SATB2: variants seen among roughly 807,000 people sequenced by gnomAD.
SATB2 encodes the protein DNA-binding protein SATB2.
SATB2 carries 1 observed loss-of-function variant against 73.4 expected under a neutral mutation model. That is an observed-to-expected ratio of 0.01 (90% CI 0.00 to 0.06). The LOEUF (loss-of-function observed/expected upper bound fraction) is 0.06. SATB2 is among the 10% of genes least tolerant of loss of function. The pLI is 1.00. For missense variants in SATB2, 459 were observed against 945.8 expected, an observed-to-expected ratio of 0.49 and a Z score of 6.75; for synonymous variants, 397 against 367.0, an observed-to-expected ratio of 1.08 and a Z score of -0.93.
chr2:199,329,027 G>T, intron 7 of SATB2, 117 bp from the exon 8 acceptor site: 1 of 767,670 alleles, frequency 1.3e-6, no homozygotes. Flanking sequence ...GTGATGTCAA[G>T]AACCTCACAC....
intron 3 of SATB2, among the ~76,000 whole-genome samples, chr2:199,416,833 G>A (rs1691002642): frequency 1.3e-5 from 2 of 152,008 alleles, no homozygotes; most frequent in Non-Finnish European, 2.9e-5. Flanking sequence ...TCAGGAGATC[G>A]AGACCATCCT....
upstream of SATB2, chr2:199,469,738 T>TC (rs1386406670): frequency 6.6e-6 from 1 of 152,338 alleles, no homozygotes; most frequent in Non-Finnish European, 1.5e-5. Flanking sequence ...CAAGCCAAGC[T>TC]CCCTTGCCAC....
Position 199,451,091 on chromosome 2 carries a change from AACACAC to A in SATB2, c.169+4772_169+4777del, listed in dbSNP as rs56071011. On this transcript the variant is annotated intron_variant, in intron 2 of 10. Transcript: ENST00000417098. The stretch of plus-strand genomic sequence containing the variant: ...CCTTAAGGGACATCTATGTAGTTCC[AACACAC>A]ACACACACACACACACACACACACA... Among the ~76,000 whole-genome samples, 331 of 139,274 alleles carry A rather than the reference AACACAC, an allele frequency of 2.4e-3. 1 individual carries two copies. Among genetic ancestry groups the A allele is most frequent in the African/African-American group, 3.9e-3 (147 of 37,646 alleles). 91.4% of individuals were successfully genotyped at this position (139,274 alleles called of 152,430 possible).
chr2:199,462,458 G>A (rs1692496935), upstream of SATB2, among the ~76,000 whole-genome samples: 1 of 152,210 alleles, frequency 6.6e-6, no homozygotes, highest in South Asian at 2.1e-4. This position sits in a 1 kb window ranked among gnomAD's most constrained non-coding sequence, Gnocchi z 5.9. Flanking sequence ...AGTGGGGGAC[G>A]CGCCTTGGAG....
At chr2:199,431,451 CT>C (rs1691498606) in intron 3 of SATB2, among the ~76,000 whole-genome samples, 1 of 152,090 alleles carries the variant, frequency 6.6e-6, no homozygotes. Flanking sequence ...CTTTGCTTAC[CT>C]ATAAAATAAA....
At chr2:199,470,482 C>T (rs1481660936) in intron 1 of SATB2, 2 of 152,300 alleles carry the variant, frequency 1.3e-5, no homozygotes, top group African/African-American at 4.8e-5. Context: ...GCACTTGACT[C>T]AAAACTGCCC....
intron 9 of SATB2, 51 bp downstream of exon 9, chr2:199,323,749 AAGG>A (rs1445216019): frequency 1.3e-6 from 2 of 1,525,666 alleles, no homozygotes; most frequent in African/African-American, 2.7e-5. Context: ...TTGGTGGAGG[AAGG>A]AGAAGGATCT....
At chr2:199,438,989 T>C (rs1047228045) in intron 2 of SATB2, among the ~76,000 whole-genome samples, 6 of 152,190 alleles carry the variant, frequency 3.9e-5, no homozygotes, top group African/African-American at 1.4e-4. Context: ...TCCACATCCA[T>C]TGAAATCTAA....
intron 3 of SATB2, among the ~76,000 whole-genome samples, chr2:199,427,609 A>T (rs983696576): frequency 1.3e-5 from 2 of 151,936 alleles, no homozygotes; most frequent in Non-Finnish European, 2.9e-5. Flanking sequence ...CCAGTGGGGG[A>T]GGGGGTGAGA....
rs1199237077 is a variant in SATB2 at position 199,453,723 on chromosome 2, C to A, written c.169+2146G>T. ...TTAAACTCATAATTTTGTTAACATT[C>A]AATTAGAAACCTTTGTACTATCAAA... On this transcript the variant is annotated intron_variant, in intron 2 of 10. Transcript: ENST00000417098. Among the ~76,000 whole-genome samples, 5 of 151,950 alleles carry A rather than the reference C, an allele frequency of 3.3e-5. No homozygotes were observed. The East Asian group carries it at 9.6e-4, about 29-fold the overall frequency.
chr2:199,409,608 C>G (rs1274211262), intron 3 of SATB2, among the ~76,000 whole-genome samples: 1 of 151,668 alleles, frequency 6.6e-6, no homozygotes, highest in Non-Finnish European at 1.5e-5. Context: ...ATACTGCCTA[C>G]TTTATATTTT....
At chr2:199,441,191 T>A (rs1691807384) in intron 2 of SATB2, among the ~76,000 whole-genome samples, 1 of 152,042 alleles carries the variant, frequency 6.6e-6, no homozygotes, top group Non-Finnish European at 1.5e-5. Flanking sequence ...CATACAATAA[T>A]TCAATTTCAT....
chr2:199,439,717 TCA>T (rs934967715), intron 2 of SATB2, among the ~76,000 whole-genome samples: 7 of 152,118 alleles, frequency 4.6e-5, no homozygotes, highest in African/African-American at 1.4e-4. Flanking sequence ...TCTCTCTCTC[TCA>T]CACTGACACA....
upstream of SATB2, chr2:199,458,792 TC>T (rs1692384024): frequency 5.9e-6 from 1 of 170,118 alleles, no homozygotes; most frequent in African/African-American, 6.6e-5. Flanking sequence ...CCTCCGCCCC[TC>T]CGAGCAACTT....
intron 9 of SATB2, among the ~76,000 whole-genome samples, chr2:199,316,447 T>G (rs1289473016): frequency 6.6e-6 from 1 of 152,108 alleles, no homozygotes; most frequent in East Asian, 1.9e-4. Flanking sequence ...GGTTAATTAT[T>G]TTATACTTTA....
chr2:199,358,056 T>C (rs1689038468), intron 6 of SATB2, among the ~76,000 whole-genome samples: 1 of 152,156 alleles, frequency 6.6e-6, no homozygotes, highest in South Asian at 2.1e-4. Flanking sequence ...TTCCACCTGA[T>C]ACTTATTTTG....
At chr2:199,460,547 A>G (rs1692453382), upstream of SATB2, 1 of 152,374 alleles carries the variant, frequency 6.6e-6, no homozygotes, top group African/African-American at 2.4e-5. The surrounding 1 kb of genome is among the most constrained non-coding windows in gnomAD (Gnocchi z 4.0). Context: ...AAAAAAATGC[A>G]AATGGTTTAG....
intron 10 of SATB2, among the ~76,000 whole-genome samples, chr2:199,280,680 T>C (rs1478359784): frequency 1.3e-5 from 2 of 152,134 alleles, no homozygotes; most frequent in Non-Finnish European, 2.9e-5. Flanking sequence ...CCCAGGCTTA[T>C]TAGGACGAGG....
intron 2 of SATB2, among the ~76,000 whole-genome samples, chr2:199,439,489 T>C (rs1029689595): frequency 2.6e-5 from 4 of 152,228 alleles, no homozygotes; most frequent in Non-Finnish European, 5.9e-5. Context: ...TTGCATATCT[T>C]TTCTTCGTAT....
Sources: gnomAD v4.1 joint callset for allele counts (sites outside exome capture counted in the v4.1 genomes callset) on GRCh38, gnomAD v4.1.1 for gene constraint, Gnocchi (gnomAD v3.1) non-coding constraint, MANE v1.5 for transcripts, NCBI Gene and HGNC (gene_info 2026-07-23, HGNC 2026-07-21) for gene names.